MAGEL2: variants seen among roughly 807,000 people sequenced by gnomAD.
The protein encoded by MAGEL2 is MAGE family member L2.
For missense variants in MAGEL2, 1,830 were observed against 1,699.2 expected (o/e 1.08, Z -1.35); for synonymous variants, 792 against 721.7 (o/e 1.10, Z -1.56).
Position 23,646,217 on chromosome 15 carries a change from G to A in MAGEL2, c.1526C>T (p.Thr509Ile). The A allele has an allele frequency of 1.5e-6, 2 of 1,342,380 alleles. No homozygotes were observed. Among genetic ancestry groups the A allele is most frequent in the African/African-American group, 1.5e-5 (1 of 64,908 alleles). The allele number at this position is 1,342,380 out of a possible 1,614,324, so 83.2% of individuals were successfully genotyped here. ...PIRPAPQVLA[T>I]QPPLWQALPP... Reference sequence around the variant, plus strand: ...CAGGGCCTGCCAGAGCGGTGGCTGGGTGGCCAGGACCTGTGGGGCAGGTCG... The same window carrying A: ...CAGGGCCTGCCAGAGCGGTGGCTGGATGGCCAGGACCTGTGGGGCAGGTCG... Residue 509 changes from threonine (T) to isoleucine (I), a missense_variant, in exon 1 of 1, where the codon ACC becomes ATC. Transcript: ENST00000650528. This position sits in a 1 kb window ranked among gnomAD's most constrained non-coding sequence, Gnocchi z 4.2.
rs1463898739 is a variant in MAGEL2 at position 23,645,248 on chromosome 15, G to C, written c.2495C>G (p.Pro832Arg). The change falls in exon 1 of 1, where the codon CCT (proline) becomes CGT (arginine). Residue 832 changes from proline (P) to arginine (R), a missense_variant. Pro to Arg is a moderately radical substitution (Grantham distance 103). Coordinates refer to ENST00000650528, the MANE Select transcript of MAGEL2 (RefSeq NM_019066.5). ...QDPFACVEAL[P>R]AVPWVPQPNM... is the part of the protein sequence containing the mutation. ...GGGCTGTGGGACCCATGGAACTGCA[G>C]GCAGGGCCTCTACACAGGCAAAGGG... is the stretch of plus-strand genomic sequence containing the variant. The C allele has an allele frequency of 3.1e-6, 5 of 1,613,820 alleles. No homozygotes were observed. The highest frequency in any genetic ancestry group is 3.4e-6 in the Non-Finnish European group (4 of 1,179,908).
Position 23,646,667 on chromosome 15 carries a change from G to T in MAGEL2, c.1076C>A (p.Pro359Gln). 3 of 1,506,960 alleles carry T rather than the reference G, an allele frequency of 2.0e-6. No homozygotes were observed. The highest frequency in any genetic ancestry group is 2.7e-6 in the Non-Finnish European group (3 of 1,131,560). The allele number at this position is 1,506,960 out of a possible 1,614,324, so 93.3% of individuals were successfully genotyped here. ...PQVPQGPQAP[P>Q]AQLATPPGWQ... ...GCCCGGGGGTGTGGCTAGCTGCGCT[G>T]GGGGTGCCTGCGGGCCCTGGGGAAC... Residue 359 changes from proline (P) to glutamine (Q), a missense_variant, in exon 1 of 1, where the codon CCA (proline) becomes CAA (glutamine). By Grantham distance (76) the Pro-to-Gln change is moderately conservative. Transcript: ENST00000650528. The surrounding 1 kb of genome is among the most constrained non-coding windows in gnomAD (Gnocchi z 4.2).
rs1890423973 is a variant in MAGEL2, at chr15:23,647,001, G to A, written c.742C>T (p.Leu248=). 4.6e-6 allele frequency: 7 copies of A among 1,536,866 alleles called. No individual in the cohort carries two copies. In the African/African-American group the frequency reaches 5.5e-5, roughly 12 times the overall value. Residue 248 remains leucine (L), a synonymous_variant, in exon 1 of 1, where the codon CTG becomes TTG. Coordinates refer to ENST00000650528, the MANE Select transcript of MAGEL2 (RefSeq NM_019066.5). ...LMAQPLTPGV[L]MVQPAAPGAP... ...CCCGGAGCAGCAGGCTGGACCATCA[G>A]GACTCCCGGAGTCAGAGGCTGGGCC... is the stretch of plus-strand genomic sequence containing the variant.
At position 23,647,400 on chromosome 15, in the gene MAGEL2, G is replaced by C. The variant is rs1222855465; in HGVS notation, c.343C>G (p.Pro115Ala). Residue 115 changes from proline (P) to alanine (A), a missense_variant, in exon 1 of 1, where the codon CCG becomes GCG. Coordinates refer to ENST00000650528, the MANE Select transcript of MAGEL2 (RefSeq NM_019066.5). ...GGAGGCTGGGCCATCGGGGCTCCCG[G>C]AGGTGGAGGATGCACCATCAGGACC... Reference protein sequence around the residue: ...PGVLMVHPPPPGAPMAQPPTP... With the variant: ...PGVLMVHPPPAGAPMAQPPTP... 6.5e-7 allele frequency: 1 copy of C among 1,536,708 alleles called. No individual in the cohort carries two copies. Among genetic ancestry groups the C allele is most frequent in the South Asian group, 1.2e-5 (1 of 84,064 alleles).
chr15:23,645,676 C>T lies in MAGEL2; in HGVS notation c.2067G>A (p.Pro689=), dbSNP rs565588458. The change falls in exon 1 of 1, where the codon CCG becomes CCA. Residue 689 remains proline, a synonymous_variant. Transcript: ENST00000650528. ...TLPLQPSWQA[P]PAVLQAQPGP... is the part of the protein sequence containing the mutation. ...CGGGCTGGGCCTGCAAGACTGCAGG[C>T]GGTGCCTGCCAGGAAGGCTGGAGCG... 23 of 1,561,870 alleles carry T rather than the reference C, an allele frequency of 1.5e-5. No individual in the cohort carries two copies. Among genetic ancestry groups the T allele is most frequent in the South Asian group, 2.5e-5 (2 of 81,444 alleles).
At position 23,644,219 on chromosome 15, in the gene MAGEL2, G is replaced by A. The variant is rs868442230; in HGVS notation, c.3524C>T (p.Thr1175Ile). Residue 1175 changes from threonine to isoleucine, a missense_variant, in exon 1 of 1, where the codon ACT becomes ATT. Coordinates refer to ENST00000650528, the MANE Select transcript of MAGEL2 (RefSeq NM_019066.5). ...KYLEYRRIPYTEPAEYEFLWG... is the reference protein window; with the variant it reads ...KYLEYRRIPYIEPAEYEFLWG... ...GAGGAACTCATACTCTGCGGGCTCA[G>A]TGTAAGGGATTCGCCTGTACTCTAG... The A allele has an allele frequency of 1.9e-6, 3 of 1,613,814 alleles. No individual in the cohort carries two copies. The African/African-American group carries it at 4.0e-5, about 22-fold the overall frequency.
In MAGEL2 at chr15:23,644,908, A is replaced by C; in HGVS notation, c.2835T>G (p.Gly945=). 1.9e-6 allele frequency: 3 copies of C among 1,613,122 alleles called. No homozygotes were observed. The highest frequency in any genetic ancestry group is 2.5e-6 in the Non-Finnish European group (3 of 1,179,798). ...EHPNTPRGLS[G]WEGPSTSRIL... ...TCCTGGAGGTGCTAGGGCCCTCCCA[A>C]CCACTCAGGCCACGGGGGGTGTTTG... Residue 945 remains glycine (G), a synonymous_variant, in exon 1 of 1, where the codon GGT becomes GGG. Coordinates refer to ENST00000650528, the MANE Select transcript of MAGEL2 (RefSeq NM_019066.5).
Position 23,647,824 on chromosome 15 carries a change from G to C in MAGEL2, c.-82C>G. ...TCCAGAGAGAAGAGAATGCCTACGT[G>C]GCTGTTCAGAGGCTCCCTCCCTGCT... On this transcript the variant is annotated 5_prime_UTR_variant, in exon 1 of 1. Transcript: ENST00000650528. 2 of 1,373,566 alleles carry C rather than the reference G, an allele frequency of 1.5e-6. No individual in the cohort carries two copies. Among genetic ancestry groups the C allele is most frequent in the Non-Finnish European group, 9.5e-7 (1 of 1,050,926 alleles). 85.1% of individuals were successfully genotyped at this position (1,373,566 alleles called of 1,614,324 possible).
rs1190383486 is a variant in MAGEL2 at position 23,644,306 on chromosome 15, G to C, written c.3437C>G (p.Thr1146Arg). Residue 1146 changes from threonine (T) to arginine (R), a missense_variant, in exon 1 of 1, where the codon ACA becomes AGA. By Grantham distance (71) the Thr-to-Arg change is moderately conservative. Coordinates refer to ENST00000650528, the MANE Select transcript of MAGEL2 (RefSeq NM_019066.5). ...LFKLGLDVRETNGLFGNTKKL... is the reference protein window; with the variant it reads ...LFKLGLDVRERNGLFGNTKKL... Reference sequence around the variant, plus strand: ...CTTAGTATTTCCAAAGAGACCGTTTGTCTCCCGGACATCCAACCCTAACTT... The same window carrying C: ...CTTAGTATTTCCAAAGAGACCGTTTCTCTCCCGGACATCCAACCCTAACTT... 1.8e-5 allele frequency: 29 copies of C among 1,613,714 alleles called. No homozygotes were observed. The highest frequency in any genetic ancestry group is 2.5e-5 in the Non-Finnish European group (29 of 1,179,876).
chr15:23,644,388 G>C lies in MAGEL2; in HGVS notation c.3355C>G (p.Leu1119Val), dbSNP rs540236629. 1 of 1,613,712 alleles carries C rather than the reference G, an allele frequency of 6.2e-7. No homozygotes were observed. Among genetic ancestry groups the C allele is most frequent in the African/African-American group, 1.3e-5 (1 of 74,864 alleles). The change falls in exon 1 of 1, where the codon CTC (leucine) becomes GTC (valine). Residue 1119 changes from leucine (L) to valine (V), a missense_variant. By Grantham distance (32) the Leu-to-Val change is conservative (BLOSUM62 1). Transcript: ENST00000650528. ...ACACAGTTGCCTTTCATAAAGATGAGGCTCAAGACCACCATCAGAAGGCCA... is the reference window on the plus strand; with the variant it reads ...ACACAGTTGCCTTTCATAAAGATGACGCTCAAGACCACCATCAGAAGGCCA... ...KFGLLMVVLS[L>V]IFMKGNCVRE...
At position 23,647,202 on chromosome 15, in the gene MAGEL2, G is replaced by A. The variant is rs1295686993; in HGVS notation, c.541C>T (p.His181Tyr). 1 of 1,522,568 alleles carries A rather than the reference G, an allele frequency of 6.6e-7. No individual in the cohort carries two copies. Among genetic ancestry groups the A allele is most frequent in the Non-Finnish European group, 8.8e-7 (1 of 1,140,370 alleles). 94.3% of individuals were successfully genotyped at this position (1,522,568 alleles called of 1,614,324 possible). ...ATCGGGGTCCCCGGAGGAGGAGGAT[G>A]CACCATCGGGGTCCCCGGAGGAGGA... ...HPPPPGTPMV[H>Y]PPPPGTPMAH... is the part of the protein sequence containing the mutation. The change falls in exon 1 of 1, where the codon CAT (histidine) becomes TAT (tyrosine). Residue 181 changes from histidine (H) to tyrosine (Y), a missense_variant. Coordinates refer to ENST00000650528, the MANE Select transcript of MAGEL2 (RefSeq NM_019066.5).
Position 23,644,645 on chromosome 15 carries a change from A to G in MAGEL2, c.3098T>C (p.Val1033Ala), listed in dbSNP as rs567531448. The stretch of plus-strand genomic sequence containing the variant: ...GACAGGCACCTTGGCTTGGTCCTTG[A>G]CTAAGAGGAACTGCACCAACGCATT... ...RANALVQFLL[V>A]KDQAKVPVQR... The change falls in exon 1 of 1, where the codon GTC becomes GCC. Residue 1033 changes from valine to alanine, a missense_variant. Physicochemically the swap from Val to Ala is moderately conservative, Grantham distance 64 (BLOSUM62 0). Transcript: ENST00000650528. 45 of 1,613,892 alleles carry G rather than the reference A, an allele frequency of 2.8e-5. No individual in the cohort carries two copies. The highest frequency in any genetic ancestry group is 3.3e-5 in the Admixed American group (2 of 60,026).
rs555657199 is a variant in MAGEL2 at position 23,644,022 on chromosome 15, C to T, written c.3721G>A (p.Gly1241Ser). 5.8e-5 allele frequency: 93 copies of T among 1,607,292 alleles called. No homozygotes were observed. In the East Asian group the frequency reaches 1.1e-3, roughly 19 times the overall value. The change falls in exon 1 of 1, where the codon GGC (glycine) becomes AGC (serine). Residue 1241 changes from glycine (G) to serine (S), a missense_variant. Gly to Ser is a moderately conservative substitution (Grantham distance 56). Coordinates refer to ENST00000650528, the MANE Select transcript of MAGEL2 (RefSeq NM_019066.5). ...DEPDTGDSAH[G>S]PTSRPPPR ...CGGGGAGGGGGCCTGCTGGTGGGGCCGTGGGCACTGTCACCGGTGTCAGGT... is the reference window on the plus strand; with the variant it reads ...CGGGGAGGGGGCCTGCTGGTGGGGCTGTGGGCACTGTCACCGGTGTCAGGT...
At position 23,646,400 on chromosome 15, in the gene MAGEL2, G is replaced by T; in HGVS notation, c.1343C>A (p.Pro448Gln). 2 of 1,401,960 alleles carry T rather than the reference G, an allele frequency of 1.4e-6. No individual in the cohort carries two copies. Among genetic ancestry groups the T allele is most frequent in the South Asian group, 3.2e-5 (2 of 61,600 alleles). 86.8% of individuals were successfully genotyped at this position (1,401,960 alleles called of 1,614,324 possible). A position where few individuals can be genotyped will look rare whatever the true frequency, so the allele number is the denominator to read the frequency against. Residue 448 changes from proline to glutamine, a missense_variant, in exon 1 of 1, where the codon CCA becomes CAA. Transcript: ENST00000650528. The surrounding 1 kb of genome is among the most constrained non-coding windows in gnomAD (Gnocchi z 4.2). Reference protein sequence around the residue: ...RQAPPVIRQAPPVIRQAPPVI... With the variant: ...RQAPPVIRQAQPVIRQAPPVI... Reference sequence around the variant, plus strand: ...GGGTGGGGCCTGGCGGATCACGGGTGGGGCCTGGCGGATCACCGGTGGGGC... The same window carrying T: ...GGGTGGGGCCTGGCGGATCACGGGTTGGGCCTGGCGGATCACCGGTGGGGC...
chr15:23,644,589 G>C lies in MAGEL2; in HGVS notation c.3154C>G (p.Arg1052Gly), dbSNP rs762915060. The C allele has an allele frequency of 3.1e-6, 5 of 1,613,822 alleles. 1 individual carries two copies. In the South Asian group the frequency reaches 4.4e-5, roughly 14 times the overall value. Residue 1052 changes from arginine to glycine, a missense_variant, in exon 1 of 1, where the codon CGA becomes GGA. Physicochemically the swap from Arg to Gly is moderately radical, Grantham distance 125. Coordinates refer to ENST00000650528, the MANE Select transcript of MAGEL2 (RefSeq NM_019066.5). ...TCTAAGCACTCATCTTTATACTCTC[G>C]GAGGATGACTTTCACCATCTCCGAG... ...QRSEMVKVIL[R>G]EYKDECLDII...
At position 23,646,740 on chromosome 15, in the gene MAGEL2, G is replaced by A. The variant is rs1054820321; in HGVS notation, c.1003C>T (p.Pro335Ser). Residue 335 changes from proline to serine, a missense_variant, in exon 1 of 1, where the codon CCT becomes TCT. Coordinates refer to ENST00000650528, the MANE Select transcript of MAGEL2 (RefSeq NM_019066.5). This position sits in a 1 kb window ranked among gnomAD's most constrained non-coding sequence, Gnocchi z 4.2. Reference protein sequence around the residue: ...PMASWAPQAQPLILQIQSQVI... With the variant: ...PMASWAPQAQSLILQIQSQVI... ...TGAGACTGGATTTGCAGGATCAGAG[G>A]CTGAGCCTGCGGGGCCCAAGAAGCC... 2 of 1,534,592 alleles carry A rather than the reference G, an allele frequency of 1.3e-6. No individual in the cohort carries two copies. The highest frequency in any genetic ancestry group is 2.0e-5 in the Admixed American group (1 of 50,896).
Position 23,645,785 on chromosome 15 carries a change from G to A in MAGEL2, c.1958C>T (p.Pro653Leu), listed in dbSNP as rs1265877569. The change falls in exon 1 of 1, where the codon CCG (proline) becomes CTG (leucine). Residue 653 changes from proline (P) to leucine (L), a missense_variant. Transcript: ENST00000650528. ...VQLEQPFQGA[P>L]PSQKAVQIQL... ...GATTTGCACGGCTTTTTGGGAGGGCGGGGCTCCCTGAAAGGGCTGCTCCAG... is the reference window on the plus strand; with the variant it reads ...GATTTGCACGGCTTTTTGGGAGGGCAGGGCTCCCTGAAAGGGCTGCTCCAG... 1.3e-6 allele frequency: 2 copies of A among 1,589,178 alleles called. No homozygotes were observed. Among genetic ancestry groups the A allele is most frequent in the Non-Finnish European group, 1.7e-6 (2 of 1,169,396 alleles).
rs768844200 is a variant in MAGEL2, at chr15:23,645,686, C to G, written c.2057G>C (p.Trp686Ser). ...EVPTLPLQPSWQAPPAVLQAQ... is the reference protein window; with the variant it reads ...EVPTLPLQPSSQAPPAVLQAQ... ...CTGCAAGACTGCAGGCGGTGCCTGC[C>G]AGGAAGGCTGGAGCGGCAGTGTGGG... Residue 686 changes from tryptophan to serine, a missense_variant, in exon 1 of 1, where the codon TGG (tryptophan) becomes TCG (serine). Physicochemically the swap from Trp to Ser is radical, Grantham distance 177. Transcript: ENST00000650528. 17 of 1,559,002 alleles carry G rather than the reference C, an allele frequency of 1.1e-5. No homozygotes were observed. The South Asian group carries it at 2.1e-4, about 19-fold the overall frequency.
Position 23,646,842 on chromosome 15 carries a change from G to C in MAGEL2, c.901C>G (p.Pro301Ala), listed in dbSNP as rs138154793. ...GCCATCGGTGCTCCTGAAGCTGGAG[G>C]CTGGGTCATCGGAGCTCTCGCACCT... ...PPGARAPMTQPPASGAPMAQP... is the reference protein window; with the variant it reads ...PPGARAPMTQAPASGAPMAQP... The change falls in exon 1 of 1, where the codon CCT becomes GCT. Residue 301 changes from proline (P) to alanine (A), a missense_variant. Physicochemically the swap from Pro to Ala is conservative, Grantham distance 27. Coordinates refer to ENST00000650528, the MANE Select transcript of MAGEL2 (RefSeq NM_019066.5). The surrounding 1 kb of genome is among the most constrained non-coding windows in gnomAD (Gnocchi z 4.2). 6.5e-7 allele frequency: 1 copy of C among 1,536,544 alleles called. No individual in the cohort carries two copies. Among genetic ancestry groups the C allele is most frequent in the Non-Finnish European group, 8.7e-7 (1 of 1,146,888 alleles).
Sources: allele counts gnomAD v4.1 joint callset, GRCh38; gene constraint gnomAD v4.1.1; non-coding constraint Gnocchi (gnomAD v3.1); transcripts MANE v1.5; gene names NCBI Gene and HGNC (gene_info 2026-07-23, HGNC 2026-07-21).